IGSF21: variants seen among roughly 807,000 people sequenced by gnomAD.
The protein encoded by IGSF21 is immunoglobin superfamily member 21, also known as immunoglobulin superfamily member 21.
A neutral mutation model predicts 46.8 loss-of-function variants in IGSF21; 28 were observed. The ratio of observed to expected loss-of-function variants is 0.60; its 90% CI spans 0.44 to 0.82. IGSF21 has a LOEUF of 0.82. Among genes scored for constraint, IGSF21 ranks in the 40% least tolerant of loss-of-function variants. The pLI is 0.00. For synonymous variants in IGSF21, 284 were observed against 273.6 expected (o/e 1.04, Z -0.38); for missense variants, 624 against 665.5 (o/e 0.94, Z 0.69).
rs1216459702 is a variant in IGSF21 at position 18,206,047 on chromosome 1, ATT to A, written c.71-21850_71-21849del. Among the ~76,000 whole-genome samples the A allele has an allele frequency of 1.9e-4, 29 of 152,378 alleles. No individual in the cohort carries two copies. The South Asian group carries it at 4.4e-3, about 23-fold the overall frequency. The stretch of plus-strand genomic sequence containing the variant: ...AAACCCATCCCCTCATGGGGCTGAC[ATT>A]CTAGTCAAGGGGTAGATAAATTTTA... On this transcript the variant is annotated intron_variant, in intron 1 of 9. Transcript: ENST00000251296.
At chr1:18,147,643 G>A (rs2086482152) in intron 1 of IGSF21, among the ~76,000 whole-genome samples, 1 of 152,044 alleles carries the variant, frequency 6.6e-6, no homozygotes, top group African/African-American at 2.4e-5. Context: ...TTCCCCACTA[G>A]AATATAATTT....
In IGSF21 at chr1:18,290,992, A is replaced by C. The variant is rs2085259785; in HGVS notation, c.184-874A>C. Among the ~76,000 whole-genome samples the C allele has an allele frequency of 6.6e-6, 1 of 152,214 alleles. No homozygotes were observed. Among genetic ancestry groups the C allele is most frequent in the South Asian group, 2.1e-4 (1 of 4,830 alleles). ...CTCCCAGTCTATAATAGAGTTGCTG[A>C]GACAAGCGGAAAAACTGCAGCCGAG... On this transcript the variant is annotated intron_variant, in intron 2 of 9. Coordinates refer to ENST00000251296, the MANE Select transcript of IGSF21 (RefSeq NM_032880.5). The surrounding 1 kb of genome is among the most constrained non-coding windows in gnomAD (Gnocchi z 4.2).
chr1:18,150,323 G>A (rs971427321), intron 1 of IGSF21, among the ~76,000 whole-genome samples: 5 of 152,202 alleles, frequency 3.3e-5, no homozygotes, highest in Admixed American at 2.0e-4. Context: ...GGCCTCTCTG[G>A]AAAATGGGGA....
chr1:18,306,971 G>A (rs1466396102), intron 3 of IGSF21, among the ~76,000 whole-genome samples: 1 of 152,200 alleles, frequency 6.6e-6, no homozygotes, highest in African/African-American at 2.4e-5. Context: ...CCAGTCAGCC[G>A]ATTGGTTCTG....
At chr1:18,163,111 G>A (rs1441294820) in intron 1 of IGSF21, among the ~76,000 whole-genome samples, 1 of 152,122 alleles carries the variant, frequency 6.6e-6, no homozygotes, top group Non-Finnish European at 1.5e-5. Flanking sequence ...GGGGCACAGT[G>A]GCAGAGGCCG....
intron 3 of IGSF21, among the ~76,000 whole-genome samples, chr1:18,305,340 T>A (rs186978376): frequency 6.7e-6 from 1 of 149,378 alleles, no homozygotes; most frequent in Admixed American, 6.6e-5. Context: ...GATGGATGGA[T>A]GCATGGATAG....
In IGSF21 at chr1:18,309,511, A is replaced by G. The variant is rs145106139; in HGVS notation, c.305+17524A>G. 5.6e-3 allele frequency among the ~76,000 whole-genome samples: 856 copies of G among 152,154 alleles called. 12 individuals are homozygous for G. Among genetic ancestry groups the G allele is most frequent in the African/African-American group, 0.019 (800 of 41,532 alleles). ...TAGGGTACTGGCCCTTCTCCACTAGACCACACCCCCTCCTTTCCCCATTGG... is the reference window on the plus strand; with the variant it reads ...TAGGGTACTGGCCCTTCTCCACTAGGCCACACCCCCTCCTTTCCCCATTGG... On this transcript the variant is annotated intron_variant, in intron 3 of 9. Transcript: ENST00000251296.
intron 1 of IGSF21, among the ~76,000 whole-genome samples, chr1:18,212,178 C>T (rs1014110862): frequency 1.3e-5 from 2 of 152,380 alleles, no homozygotes; most frequent in Admixed American, 1.3e-4. Flanking sequence ...ATGGTCCTTG[C>T]CTGGGCCATC....
chr1:18,234,469 A>G (rs1406726421), intron 2 of IGSF21, among the ~76,000 whole-genome samples: 3 of 152,242 alleles, frequency 2.0e-5, no homozygotes, highest in Non-Finnish European at 2.9e-5. Flanking sequence ...TTCCATTGTA[A>G]TCTGTATTCG....
At chr1:18,131,517 A>T (rs2086321648) in intron 1 of IGSF21, among the ~76,000 whole-genome samples, 1 of 152,256 alleles carries the variant, frequency 6.6e-6, no homozygotes, top group Non-Finnish European at 1.5e-5. Flanking sequence ...ACATGATTTT[A>T]TCTCTTTGTT....
chr1:18,146,015 G>C (rs1055670104), intron 1 of IGSF21, among the ~76,000 whole-genome samples: 10 of 152,144 alleles, frequency 6.6e-5, no homozygotes, highest in Non-Finnish European at 1.5e-4. Context: ...GAGTGGGCTT[G>C]GCACTGACCC....
chr1:18,114,333 T>C (rs2086167692), intron 1 of IGSF21: 2 of 152,246 alleles, frequency 1.3e-5, no homozygotes, highest in South Asian at 2.1e-4. Context: ...TTCTGTTCAC[T>C]GTTGAGTCCT....
chr1:18,197,702 A>T (rs1179655598), intron 1 of IGSF21, among the ~76,000 whole-genome samples: 2 of 152,218 alleles, frequency 1.3e-5, no homozygotes, highest in African/African-American at 4.8e-5. Context: ...GCCACTCAAC[A>T]GCTGGGTGAC....
At chr1:18,274,529 G>A (rs2085081476) in intron 2 of IGSF21, among the ~76,000 whole-genome samples, 1 of 152,236 alleles carries the variant, frequency 6.6e-6, no homozygotes, top group African/African-American at 2.4e-5. Context: ...AAGTTTTATT[G>A]GAATACAGTC....
At chr1:18,139,841 C>A (rs746272551) in intron 1 of IGSF21, among the ~76,000 whole-genome samples, 29 of 152,222 alleles carry the variant, frequency 1.9e-4, no homozygotes, top group Non-Finnish European at 3.2e-4. Flanking sequence ...GGCCAGTGCA[C>A]AGGGCAGGCC....
At chr1:18,371,942 G>A (rs2086228821) in intron 6 of IGSF21, among the ~76,000 whole-genome samples, 1 of 152,206 alleles carries the variant, frequency 6.6e-6, no homozygotes. Context: ...CAGGTGAACT[G>A]GCTTGAACAA....
intron 4 of IGSF21, among the ~76,000 whole-genome samples, chr1:18,336,004 G>A (rs1040013153): frequency 6.6e-6 from 1 of 152,136 alleles, no homozygotes; most frequent in African/African-American, 2.4e-5. Context: ...CTGGCCCTGG[G>A]TTGGCCACAC....
At chr1:18,117,882 GGAATGAGTCCTTCTT>G (rs2086200876) in intron 1 of IGSF21, among the ~76,000 whole-genome samples, 2 of 152,214 alleles carry the variant, frequency 1.3e-5, no homozygotes, top group South Asian at 4.1e-4. Flanking sequence ...CCCAGAGAGA[GGAATGAGTCCTTCTT>G]TGTTGCATGC....
chr1:18,262,054 C>T (rs540160675), intron 2 of IGSF21, among the ~76,000 whole-genome samples: 2 of 152,276 alleles, frequency 1.3e-5, no homozygotes, highest in African/African-American at 2.4e-5. Flanking sequence ...CAGAGCCCCA[C>T]CTCCAGAGAG....
Sources: allele counts gnomAD v4.1 joint callset (sites outside exome capture counted in the v4.1 genomes callset), GRCh38; gene constraint gnomAD v4.1.1; non-coding constraint Gnocchi (gnomAD v3.1); transcripts MANE v1.5; gene names NCBI Gene and HGNC (gene_info 2026-07-23, HGNC 2026-07-21).